The following MTMR2 variants were observed in gnomAD, a reference collection of about 807,000 sequenced individuals.
The protein encoded by MTMR2 is myotubularin related protein 2.
Under a neutral mutation model 86.9 loss-of-function variants are expected in MTMR2, and 55 were observed. That is an observed-to-expected ratio of 0.63 (90% CI 0.51 to 0.79). MTMR2 has a LOEUF of 0.79. Among genes scored for constraint, MTMR2 ranks in the 30% least tolerant of loss-of-function variants. The pLI is 0.00. For missense variants in MTMR2, 659 were observed against 772.3 expected, an observed-to-expected ratio of 0.85 and a Z score of 1.74; for synonymous variants, 241 against 266.8, an observed-to-expected ratio of 0.90 and a Z score of 0.94.
chr11:95,848,964 A>G (rs1863908495), intron 9 of MTMR2, among the ~76,000 whole-genome samples: 1 of 152,194 alleles, frequency 6.6e-6, no homozygotes, highest in Non-Finnish European at 1.5e-5. Flanking sequence ...CCTGTCACCG[A>G]AACACATAGA....
At chr11:95,838,719 G>C (rs1394806157) in intron 12 of MTMR2, among the ~76,000 whole-genome samples, 1 of 151,824 alleles carries the variant, frequency 6.6e-6, no homozygotes, top group East Asian at 1.9e-4. Context: ...CTTTTGCACC[G>C]ACGTAAACTT....
intron 12 of MTMR2, among the ~76,000 whole-genome samples, chr11:95,841,145 G>A (rs186664902): frequency 0.014 from 2,079 of 151,994 alleles, 49 homozygotes; most frequent in South Asian, 0.036. Context: ...AAAATAAAAA[G>A]AACTGGATGT....
chr11:95,873,477 A>G (rs977949501), intron 2 of MTMR2, among the ~76,000 whole-genome samples: 57 of 151,826 alleles, frequency 3.8e-4, no homozygotes, highest in African/African-American at 1.1e-3. Context: ...TTTTTATTGC[A>G]TCTATTTGAT....
intron 1 of MTMR2, 150 bp downstream of exon 1, chr11:95,923,725 G>C: frequency 4.1e-6 from 6 of 1,455,616 alleles, no homozygotes. Context: ...CCCAGGGAGG[G>C]AGGCAGAAGT....
chr11:95,895,029 C>T (rs1349417993), intron 1 of MTMR2, among the ~76,000 whole-genome samples: 3 of 152,032 alleles, frequency 2.0e-5, no homozygotes, highest in Non-Finnish European at 4.4e-5. Context: ...AATTTTATTA[C>T]CACGCCCTTT....
At chr11:95,888,720 TACAC>T (rs139869459) in intron 1 of MTMR2, among the ~76,000 whole-genome samples, 5 of 136,712 alleles carry the variant, frequency 3.7e-5, no homozygotes, top group South Asian at 2.1e-4. Context: ...CACACACACA[TACAC>T]ACACACACAC....
At chr11:95,888,122 G>C in intron 2 of MTMR2, 34 bp downstream of exon 2, 8 of 1,445,532 alleles carry the variant, frequency 5.5e-6, no homozygotes, top group Non-Finnish European at 7.8e-6. Flanking sequence ...TTAACAGAAA[G>C]TACTTCATCA....
chr11:95,857,675 T>C, intron 6 of MTMR2, 40 bp from the exon 7 acceptor site: 1 of 1,305,920 alleles, frequency 7.7e-7, no homozygotes, highest in East Asian at 2.3e-5. Flanking sequence ...AAAAAAGATA[T>C]TCACAAAGGT....
At chr11:95,869,235 G>GAA (rs5793751) in intron 2 of MTMR2, among the ~76,000 whole-genome samples, 1 of 141,620 alleles carries the variant, frequency 7.1e-6, no homozygotes, top group African/African-American at 2.5e-5. Flanking sequence ...CCATGAAAAT[G>GAA]AAAAAAAAAA....
In MTMR2 at chr11:95,850,679, G is replaced by A. The variant is rs1863982468; in HGVS notation, c.725C>T (p.Ala242Val). Reference protein sequence around the residue: ...ERYELCDTYPALLVVPANIPD... With the variant: ...ERYELCDTYPVLLVVPANIPD... ...AATATTTGCTGGCACAACCAGGAGG[G>A]CAGGGTATGTATCACAAAGTTCATA... Residue 242 changes from alanine (A) to valine (V), a missense_variant, in exon 8 of 15, where the codon GCC becomes GTC. By Grantham distance (64) the Ala-to-Val change is moderately conservative. This residue lies in a region of MTMR2 where 387 missense variants were observed against 526.3 expected (regional missense o/e 0.74). Transcript: ENST00000346299. 2 of 1,613,980 alleles carry A rather than the reference G, an allele frequency of 1.2e-6. No homozygotes were observed. Among genetic ancestry groups the A allele is most frequent in the African/African-American group, 2.7e-5 (2 of 75,038 alleles).
At chr11:95,898,738 G>A (rs1865967373) in intron 1 of MTMR2, among the ~76,000 whole-genome samples, 1 of 152,080 alleles carries the variant, frequency 6.6e-6, no homozygotes, top group African/African-American at 2.4e-5. Flanking sequence ...ACCTAACAAT[G>A]CTGTATATGA....
At chr11:95,863,665 A>G (rs1864501861) in intron 3 of MTMR2, among the ~76,000 whole-genome samples, 1 of 151,576 alleles carries the variant, frequency 6.6e-6, no homozygotes, top group Non-Finnish European at 1.5e-5. Flanking sequence ...ATGTAAGAAA[A>G]CTCAGCCTTA....
At chr11:95,909,803 A>G (rs1239350268) in intron 1 of MTMR2, among the ~76,000 whole-genome samples, 5 of 152,160 alleles carry the variant, frequency 3.3e-5, no homozygotes, top group African/African-American at 1.2e-4. Flanking sequence ...AGCAAGATCT[A>G]TAGAAAGTAC....
intron 2 of MTMR2, among the ~76,000 whole-genome samples, chr11:95,873,096 GC>G (rs2135507792): frequency 6.6e-6 from 1 of 152,280 alleles, no homozygotes; most frequent in Admixed American, 6.5e-5. Context: ...TTGTGTCTCT[GC>G]CAGGTTTTGG....
chr11:95,879,077 T>G (rs984931731), intron 2 of MTMR2, among the ~76,000 whole-genome samples: 2 of 152,076 alleles, frequency 1.3e-5, no homozygotes, highest in African/African-American at 2.4e-5. Context: ...GATGTCTGAT[T>G]ACACTAAGAC....
intron 1 of MTMR2, chr11:95,914,276 G>A: frequency 1.0e-6 from 1 of 968,858 alleles, no homozygotes; most frequent in Non-Finnish European, 1.2e-6. Context: ...CTTCACTTCT[G>A]ATGATCTTCA....
Position 95,862,363 on chromosome 11 carries a change from T to C in MTMR2, c.266A>G (p.Lys89Arg). The C allele has an allele frequency of 3.1e-6, 5 of 1,613,680 alleles. No homozygotes were observed. Among genetic ancestry groups the C allele is most frequent in the Non-Finnish European group, 4.2e-6 (5 of 1,179,634 alleles). Residue 89 changes from lysine (K) to arginine (R), a missense_variant, in exon 4 of 15, where the codon AAA becomes AGA. This residue lies in a region of MTMR2 where 387 missense variants were observed against 526.3 expected (regional missense o/e 0.74). Transcript: ENST00000346299. ...GAATGGACATATATAAGTTACATCTTTGGCTGAAAAAGCAAGAAGTCCACA... is the reference window on the plus strand; with the variant it reads ...GAATGGACATATATAAGTTACATCTCTGGCTGAAAAAGCAAGAAGTCCACA... ...LPGENIKDMA[K>R]DVTYICPFTG...
At chr11:95,910,108 C>T (rs1866438771) in intron 1 of MTMR2, among the ~76,000 whole-genome samples, 1 of 146,284 alleles carries the variant, frequency 6.8e-6, no homozygotes, top group Admixed American at 6.9e-5. Flanking sequence ...AACACACACA[C>T]ACACACGCAC....
intron 2 of MTMR2, among the ~76,000 whole-genome samples, chr11:95,868,696 G>A (rs1381628035): frequency 1.3e-5 from 2 of 152,022 alleles, no homozygotes; most frequent in African/African-American, 4.8e-5. Flanking sequence ...ATACCTAGTT[G>A]CATCTTGGCA....
Sources: allele counts gnomAD v4.1 joint callset (sites outside exome capture counted in the v4.1 genomes callset), GRCh38; gene constraint gnomAD v4.1.1; regional missense constraint gnomAD v4.1.1; transcripts MANE v1.5; gene names NCBI Gene and HGNC (gene_info 2026-07-23, HGNC 2026-07-21).